AGBL1: variants seen among roughly 807,000 people sequenced by gnomAD.
AGBL1 encodes AGBL carboxypeptidase 1, also known as cytosolic carboxypeptidase 4.
Under a neutral mutation model 118.9 loss-of-function variants are expected in AGBL1, and 130 were observed. The ratio of observed to expected loss-of-function variants is 1.09; its 90% CI spans 0.95 to 1.26. The LOEUF (loss-of-function observed/expected upper bound fraction) is 1.26. Among genes scored for constraint, AGBL1 ranks in the 50% most tolerant of loss-of-function variants. The probability of loss-of-function intolerance (pLI) is 0.00; values close to 1 mark genes in which losing one functional copy is unlikely to be tolerated. For synonymous variants in AGBL1, 555 were observed against 478.9 expected (o/e 1.16, Z -2.08); for missense variants, 1,584 against 1,298.1 (o/e 1.22, Z -3.38).
intron 24 of AGBL1, among the ~76,000 whole-genome samples, chr15:87,019,626 C>G (rs928111597): frequency 6.6e-6 from 1 of 151,874 alleles, no homozygotes; most frequent in Non-Finnish European, 1.5e-5. Context: ...TAAAGCAATT[C>G]TAAGAGGGAA....
At chr15:86,318,252 A>G (rs2080046622) in intron 17 of AGBL1, among the ~76,000 whole-genome samples, 1 of 152,224 alleles carries the variant, frequency 6.6e-6, no homozygotes, top group African/African-American at 2.4e-5. Context: ...AACATAAAAT[A>G]AATACCTATT....
chr15:86,684,774 C>A (rs1035501386), intron 22 of AGBL1, among the ~76,000 whole-genome samples: 1 of 152,118 alleles, frequency 6.6e-6, no homozygotes, highest in Non-Finnish European at 1.5e-5. Context: ...AGGGAATCTC[C>A]TTTCGGATCT....
At chr15:86,980,693 TACTA>T (rs926479828) in intron 23 of AGBL1, among the ~76,000 whole-genome samples, 8 of 152,266 alleles carry the variant, frequency 5.3e-5, no homozygotes, top group African/African-American at 1.9e-4. Context: ...ATTGACATCA[TACTA>T]AATAGAGTCT....
At position 86,092,927 on chromosome 15, in the gene AGBL1, T is replaced by C. The variant is rs143608809; in HGVS notation, c.51+12904T>C. On this transcript the variant is annotated intron_variant, in intron 1 of 22. Transcript: ENST00000614907. Reference sequence around the variant, plus strand: ...GCCTAATTATCTCTTATAGGTTCTATCCCTTAATACAATTGCATTGGGGAT... The same window carrying C: ...GCCTAATTATCTCTTATAGGTTCTACCCCTTAATACAATTGCATTGGGGAT... 2.2e-3 allele frequency among the ~76,000 whole-genome samples: 341 copies of C among 152,314 alleles called. 15 individuals are homozygous for C. In the South Asian group the frequency reaches 0.067, roughly 30 times the overall value.
At chr15:86,403,067 A>T (rs561875136) in intron 18 of AGBL1, among the ~76,000 whole-genome samples, 3 of 152,248 alleles carry the variant, frequency 2.0e-5, no homozygotes, top group African/African-American at 7.2e-5. Context: ...AGCAGAAGTG[A>T]TAATTGGTAG....
intron 20 of AGBL1, 125 bp downstream of exon 20, chr15:86,546,258 T>C: frequency 8.7e-7 from 1 of 1,146,980 alleles, no homozygotes; most frequent in South Asian, 2.3e-5. Context: ...TTTTAATTAT[T>C]CTAACCATAG....
chr15:86,581,648 C>T (rs2084174193), intron 21 of AGBL1, among the ~76,000 whole-genome samples: 1 of 152,094 alleles, frequency 6.6e-6, no homozygotes, highest in Admixed American at 6.6e-5. Context: ...TCTTCAGTCA[C>T]CCATGAATGG....
At chr15:86,864,400 A>G (rs992466413) in intron 22 of AGBL1, among the ~76,000 whole-genome samples, 1 of 152,236 alleles carries the variant, frequency 6.6e-6, no homozygotes, top group African/African-American at 2.4e-5. Context: ...GATTGTAAGT[A>G]CTTTTTGCAT....
At chr15:86,537,528 G>A (rs2083442626) in intron 19 of AGBL1, among the ~76,000 whole-genome samples, 1 of 152,224 alleles carries the variant, frequency 6.6e-6, no homozygotes, top group Non-Finnish European at 1.5e-5. Context: ...CCTTCTCAGG[G>A]CATTAGGCTT....
intron 18 of AGBL1, among the ~76,000 whole-genome samples, chr15:86,450,566 G>A (rs561702873): frequency 8.5e-5 from 13 of 152,212 alleles, no homozygotes; most frequent in East Asian, 7.7e-4. Flanking sequence ...TATTCAGGCC[G>A]GAGAATGACT....
chr15:86,176,455 G>A (rs1168685637), intron 5 of AGBL1, among the ~76,000 whole-genome samples: 1 of 152,176 alleles, frequency 6.6e-6, no homozygotes, highest in African/African-American at 2.4e-5. Context: ...TGGCTCTCAG[G>A]TTCCGGGGAG....
intron 17 of AGBL1, among the ~76,000 whole-genome samples, chr15:86,315,714 T>C (rs909189515): frequency 2.2e-5 from 2 of 91,398 alleles, no homozygotes; most frequent in Non-Finnish European, 4.5e-5. Flanking sequence ...TGAGACTTTT[T>C]CTCAAAAAAA....
intron 22 of AGBL1, among the ~76,000 whole-genome samples, chr15:86,717,508 T>C (rs984773683): frequency 1.3e-5 from 2 of 152,130 alleles, no homozygotes; most frequent in Admixed American, 1.3e-4. Flanking sequence ...AGTTCTTCCA[T>C]TACAATTCTT....
intron 18 of AGBL1, among the ~76,000 whole-genome samples, chr15:86,456,846 C>G (rs904993014): frequency 6.6e-6 from 1 of 152,088 alleles, no homozygotes; most frequent in African/African-American, 2.4e-5. Flanking sequence ...ACAATGCTTT[C>G]TTGTTCAGAC....
chr15:86,869,331 C>A (rs1389149556), intron 22 of AGBL1, among the ~76,000 whole-genome samples: 1 of 152,110 alleles, frequency 6.6e-6, no homozygotes, highest in Admixed American at 6.5e-5. Context: ...CTGCTCCCAC[C>A]CACCACAGAG....
At chr15:86,958,937 A>G (rs1043606339) in intron 23 of AGBL1, among the ~76,000 whole-genome samples, 7 of 152,164 alleles carry the variant, frequency 4.6e-5, no homozygotes, top group Non-Finnish European at 1.5e-5. Flanking sequence ...ATTGCAAAGT[A>G]TACTTACAGT....
At chr15:86,252,637 A>C (rs758325584) in intron 7 of AGBL1, among the ~76,000 whole-genome samples, 1 of 152,226 alleles carries the variant, frequency 6.6e-6, no homozygotes, top group East Asian at 1.9e-4. Flanking sequence ...AGAAGCCTCC[A>C]TGAAGGCACC....
chr15:86,211,587 G>A (rs187439184), intron 5 of AGBL1, among the ~76,000 whole-genome samples: 32 of 152,314 alleles, frequency 2.1e-4, no homozygotes, highest in East Asian at 1.2e-3. Flanking sequence ...CTCACAGGTC[G>A]ATCTCAGACT....
At chr15:86,499,722 T>A (rs1309233656) in intron 18 of AGBL1, among the ~76,000 whole-genome samples, 1 of 151,908 alleles carries the variant, frequency 6.6e-6, no homozygotes, top group Non-Finnish European at 1.5e-5. Context: ...ACATTTTAAA[T>A]GCATTAAAGG....
Sources: gnomAD v4.1 joint callset for allele counts (sites outside exome capture counted in the v4.1 genomes callset) on GRCh38, gnomAD v4.1.1 for gene constraint, MANE v1.5 for transcripts, NCBI Gene and HGNC (gene_info 2026-07-23, HGNC 2026-07-21) for gene names.